SOX5: variants seen among roughly 807,000 people sequenced by gnomAD.
The protein encoded by SOX5 is transcription factor SOX-5.
SOX5 carries 9 observed loss-of-function variants against 92.0 expected under a neutral mutation model. That is an observed-to-expected ratio of 0.10 (90% CI 0.06 to 0.17). The LOEUF (loss-of-function observed/expected upper bound fraction) is 0.17, where lower values mean the gene tolerates loss of function less well. SOX5 is among the 10% of genes least tolerant of loss of function. The probability of loss-of-function intolerance (pLI) is 1.00; values close to 1 mark genes in which losing one functional copy is unlikely to be tolerated. For missense variants in SOX5, 642 were observed against 944.5 expected, an observed-to-expected ratio of 0.68 and a Z score of 4.20; for synonymous variants, 344 against 336.3, an observed-to-expected ratio of 1.02 and a Z score of -0.25.
At chr12:23,647,838 T>C (rs2081059649) in intron 7 of SOX5, among the ~76,000 whole-genome samples, 3 of 152,238 alleles carry the variant, frequency 2.0e-5, no homozygotes, top group Non-Finnish European at 4.4e-5. Flanking sequence ...TTTGATCTTC[T>C]ATTTCAACTA....
chr12:24,134,896 A>G (rs1939374671), intron 4 of SOX5, among the ~76,000 whole-genome samples: 1 of 152,058 alleles, frequency 6.6e-6, no homozygotes, highest in African/African-American at 2.4e-5. Flanking sequence ...TAATCCAGGG[A>G]TTAAAAAAAG....
intron 4 of SOX5, among the ~76,000 whole-genome samples, chr12:24,049,799 C>T (rs1957388624): frequency 6.6e-6 from 1 of 151,814 alleles, no homozygotes; most frequent in African/African-American, 2.4e-5. Flanking sequence ...AAAAGTTACT[C>T]AGCTGAAGTT....
intron 1 of SOX5, among the ~76,000 whole-genome samples, chr12:23,900,432 T>C (rs2097218713): frequency 6.6e-6 from 1 of 152,156 alleles, no homozygotes; most frequent in South Asian, 2.1e-4. Context: ...TGTTCAGACA[T>C]GGATGGCAAA....
chr12:23,740,196 T>C (rs1457289620), intron 5 of SOX5, among the ~76,000 whole-genome samples: 1 of 152,214 alleles, frequency 6.6e-6, no homozygotes, highest in Non-Finnish European at 1.5e-5. Context: ...TGACAGGAAC[T>C]GTAATTCAAC....
intron 2 of SOX5, among the ~76,000 whole-genome samples, chr12:23,865,929 T>C (rs1266752862): frequency 1.3e-5 from 2 of 152,104 alleles, no homozygotes; most frequent in Admixed American, 6.6e-5. Flanking sequence ...ATTACAGATG[T>C]GGTAAAAATG....
chr12:23,869,277 C>A (rs1341625262), intron 2 of SOX5, among the ~76,000 whole-genome samples: 2 of 152,088 alleles, frequency 1.3e-5, no homozygotes, highest in African/African-American at 4.8e-5. Flanking sequence ...CCTGAAAAGA[C>A]AAAATGTAGT....
chr12:24,156,589 C>T (rs1952195423), intron 4 of SOX5, among the ~76,000 whole-genome samples: 1 of 152,128 alleles, frequency 6.6e-6, no homozygotes, highest in African/African-American at 2.4e-5. Context: ...ATTAAAACAG[C>T]TGTACCCAGC....
At chr12:24,021,130 CAAT>C (rs1264751147) in intron 4 of SOX5, among the ~76,000 whole-genome samples, 1 of 152,122 alleles carries the variant, frequency 6.6e-6, no homozygotes, top group African/African-American at 2.4e-5. Flanking sequence ...TGAGAGATGA[CAAT>C]AATAACTTCT....
At chr12:23,638,573 A>G (rs1033390760) in intron 8 of SOX5, 32 of 152,226 alleles carry the variant, frequency 2.1e-4, no homozygotes, top group Non-Finnish European at 2.9e-5. Context: ...TAAGGCTTAT[A>G]ATAAAACATC....
intron 4 of SOX5, among the ~76,000 whole-genome samples, chr12:24,181,973 C>G (rs928684729): frequency 6.6e-6 from 1 of 152,138 alleles, no homozygotes; most frequent in Non-Finnish European, 1.5e-5. Flanking sequence ...ACTTTTCCTT[C>G]ATTTCTTTTA....
At chr12:23,696,787 G>A (rs943158906) in intron 6 of SOX5, among the ~76,000 whole-genome samples, 2 of 151,870 alleles carry the variant, frequency 1.3e-5, no homozygotes, top group Non-Finnish European at 2.9e-5. Context: ...AATATGTTAC[G>A]TTGTCAATTT....
intron 4 of SOX5, among the ~76,000 whole-genome samples, chr12:23,958,460 C>T (rs1946525262): frequency 6.6e-6 from 1 of 151,852 alleles, no homozygotes; most frequent in Non-Finnish European, 1.5e-5. Flanking sequence ...TTATCAAGTT[C>T]TTATAACTAG....
intron 2 of SOX5, among the ~76,000 whole-genome samples, chr12:23,889,041 T>G (rs2097101356): frequency 6.6e-6 from 1 of 152,224 alleles, no homozygotes; most frequent in Admixed American, 6.5e-5. Flanking sequence ...CTTCCAAGCT[T>G]ACTTTATCTG....
intron 6 of SOX5, among the ~76,000 whole-genome samples, chr12:23,710,404 CA>C (rs779231295): frequency 5.9e-5 from 9 of 152,142 alleles, no homozygotes; most frequent in Admixed American, 3.3e-4. Flanking sequence ...CCCTACCCCA[CA>C]ACAGGCCCCG....
At chr12:24,398,087 C>A (rs943130852) in intron 1 of SOX5, among the ~76,000 whole-genome samples, 4 of 152,042 alleles carry the variant, frequency 2.6e-5, no homozygotes, top group African/African-American at 7.2e-5. Flanking sequence ...CCTGACCTCA[C>A]GATCCGCCCA....
chr12:23,807,344 T>C (rs1374859692), intron 3 of SOX5, among the ~76,000 whole-genome samples: 3 of 152,158 alleles, frequency 2.0e-5, no homozygotes, highest in Non-Finnish European at 4.4e-5. Context: ...TTTAGTCAAG[T>C]TGAGATAAGG....
chr12:23,876,575 C>T (rs2096929208), intron 2 of SOX5, among the ~76,000 whole-genome samples: 1 of 152,170 alleles, frequency 6.6e-6, no homozygotes, highest in Non-Finnish European at 1.5e-5. Context: ...TGTGGCGATT[C>T]CTCAAGGATC....
chr12:24,329,336 T>A (rs545382012), intron 2 of SOX5, among the ~76,000 whole-genome samples: 1 of 152,096 alleles, frequency 6.6e-6, no homozygotes, highest in Non-Finnish European at 1.5e-5. Flanking sequence ...GGGGAAGGTA[T>A]GTCTTACATG....
At chr12:24,541,364 G>A (rs904310457) in intron 1 of SOX5, among the ~76,000 whole-genome samples, 4 of 152,254 alleles carry the variant, frequency 2.6e-5, no homozygotes, top group African/African-American at 7.2e-5. Context: ...GAAAATAAAC[G>A]AAGAAATGTC....
Sources: allele counts gnomAD v4.1 joint callset (sites outside exome capture counted in the v4.1 genomes callset), GRCh38; gene constraint gnomAD v4.1.1; transcripts MANE v1.5; gene names NCBI Gene and HGNC (gene_info 2026-07-23, HGNC 2026-07-21).